ATM: variants seen among roughly 807,000 people sequenced by gnomAD.
ATM encodes serine-protein kinase ATM.
A neutral mutation model predicts 387.0 loss-of-function variants in ATM; 308 were observed. The observed-to-expected ratio is 0.80, with a 90% confidence interval of 0.73 to 0.87. ATM has a LOEUF of 0.87. ATM is among the 40% of genes least tolerant of loss of function. ATM has a pLI of 0.00. For synonymous variants in ATM, 1,156 were observed against 1,187.3 expected, an observed-to-expected ratio of 0.97 and a Z score of 0.54; for missense variants, 3,312 against 3,560.9, an observed-to-expected ratio of 0.93 and a Z score of 1.78.
chr11:108,350,276 A>G (rs17107969), intron 59 of ATM, among the ~76,000 whole-genome samples: 3,346 of 152,272 alleles, frequency 0.022, 94 homozygotes, highest in African/African-American at 0.069. Context: ...ACAAGGGGAC[A>G]AGGAGATTTG....
intron 57 of ATM, 76 bp downstream of exon 57, chr11:108,343,447 A>G: frequency 6.4e-7 from 1 of 1,556,566 alleles, no homozygotes; most frequent in Non-Finnish European, 8.8e-7. Flanking sequence ...GTCAGATATT[A>G]TAGAATACAA....
intron 50 of ATM, chr11:108,331,149 G>C (rs917094319): frequency 9.0e-7 from 1 of 1,105,244 alleles, no homozygotes; most frequent in South Asian, 2.6e-5. Context: ...GTCACACTCA[G>C]ATCACATTTG....
chr11:108,228,647 G>A (rs79866170), intron 3 of ATM, among the ~76,000 whole-genome samples: 1,578 of 152,290 alleles, frequency 0.01, 16 homozygotes, highest in Non-Finnish European at 0.014. Context: ...AATGAAACAT[G>A]CATGCTGTTT....
chr11:108,327,796 G>GCATATT, intron 48 of ATM, 38 bp downstream of exon 48: 2 of 1,392,502 alleles, frequency 1.4e-6, no homozygotes, highest in Non-Finnish European at 2.0e-6. Flanking sequence ...TAGTTACTTA[G>GCATATT]CATGAATATG....
At position 108,227,806 on chromosome 11, in the gene ATM, C is replaced by T. The variant is rs55861249; in HGVS notation, c.103C>T (p.Arg35Ter). ...KEVEKFKRLI[R>*]DPETIKHLDR... ...AGTTGAGAAATTTAAGCGCCTGATT[C>T]GAGATCCTGAAACAATTAAACATCT... The change falls in exon 3 of 63, where the codon CGA (arginine) becomes TGA (stop). Residue 35 changes from arginine to a stop codon, truncating the protein, a stop_gained. Transcript: ENST00000675843. LOFTEE classifies it high-confidence loss of function. 14 of 1,613,460 alleles carry T rather than the reference C, an allele frequency of 8.7e-6. No homozygotes were observed. Among genetic ancestry groups the T allele is most frequent in the Admixed American group, 8.3e-5 (5 of 59,976 alleles).
At position 108,316,062 on chromosome 11, in the gene ATM, T is replaced by G; in HGVS notation, c.6147T>G (p.Tyr2049Ter). The G allele has an allele frequency of 1.2e-6, 2 of 1,614,174 alleles. No homozygotes were observed. The highest frequency in any genetic ancestry group is 2.2e-5 in the East Asian group (1 of 44,876). Residue 2049 changes from tyrosine (Y) to a stop codon, truncating the protein, a stop_gained, in exon 42 of 63, where the codon TAT (tyrosine) becomes TAG (stop). Transcript: ENST00000675843. LOFTEE classifies it high-confidence loss of function. ...TGTGGGGCAAAGCCCTAGTAACATA[T>G]GACCTCGAAACAGCAATCCCCTCAT... is the stretch of plus-strand genomic sequence containing the variant. ...EAMWGKALVT[Y>*]DLETAIPSST...
In ATM at chr11:108,282,737, G is replaced by A. The variant is rs536110861; in HGVS notation, c.3604G>A (p.Gly1202Arg). The stretch of plus-strand genomic sequence containing the variant: ...TTTAGAGAAAGTTTCTGAAACTTTT[G>A]GATATAGACGTTTAGAAGACTTTAT... ...KVLEKVSETFGYRRLEDFMAS... is the reference protein window; with the variant it reads ...KVLEKVSETFRYRRLEDFMAS... The change falls in exon 25 of 63, where the codon GGA becomes AGA. Residue 1202 changes from glycine to arginine, a missense_variant. By Grantham distance (125) the Gly-to-Arg change is moderately radical (BLOSUM62 -2). This residue lies in a region of ATM where 1,791 missense variants were observed against 1,804.5 expected (regional missense o/e 0.99). Coordinates refer to ENST00000675843, the MANE Select transcript of ATM (RefSeq NM_000051.4). The A allele has an allele frequency of 6.2e-7, 1 of 1,613,118 alleles. No homozygotes were observed. Among genetic ancestry groups the A allele is most frequent in the Middle Eastern group, 1.7e-4 (1 of 6,056 alleles).
chr11:108,310,183 A>G lies in ATM; in HGVS notation c.5786A>G (p.Asn1929Ser), dbSNP rs756661278. The G allele has an allele frequency of 2.5e-6, 4 of 1,613,422 alleles. No individual in the cohort carries two copies. The highest frequency in any genetic ancestry group is 1.7e-6 in the Non-Finnish European group (2 of 1,179,722). The change falls in exon 39 of 63, where the codon AAT becomes AGT. Residue 1929 changes from asparagine to serine, a missense_variant. Asn to Ser is a conservative substitution (Grantham distance 46). Transcript: ENST00000675843. ...AGACCTTCTTCAGGAACAATTTTTA[A>G]TGATGCTTTCTGGCTGGATTTAAAT... is the stretch of plus-strand genomic sequence containing the variant. Reference protein sequence around the residue: ...QKRPSSGTIFNDAFWLDLNYL... With the variant: ...QKRPSSGTIFSDAFWLDLNYL...
At chr11:108,345,258 A>T (rs957532886) in intron 57 of ATM, among the ~76,000 whole-genome samples, 6 of 152,242 alleles carry the variant, frequency 3.9e-5, no homozygotes, top group African/African-American at 1.4e-4. Context: ...ATCAGCACAT[A>T]GATGGAAGGG....
Position 108,368,844 on chromosome 11 carries a change from C to G in ATM, c.*3336C>G, listed in dbSNP as rs571703745. The G allele has an allele frequency of 5.0e-6, 1 of 201,376 alleles. No individual in the cohort carries two copies. The highest frequency in any genetic ancestry group is 7.7e-5 in the East Asian group (1 of 13,016). The allele number at this position is 201,376 out of a possible 1,614,324, so 12.5% of individuals were successfully genotyped here. Reference sequence around the variant, plus strand: ...CCTAAAATGTATGCACTTAGGAATGCTAAAAATTTAAATATGGTCTAAAGC... The same window carrying G: ...CCTAAAATGTATGCACTTAGGAATGGTAAAAATTTAAATATGGTCTAAAGC... On this transcript the variant is annotated 3_prime_UTR_variant, in exon 63 of 63. Coordinates refer to ENST00000675843, the MANE Select transcript of ATM (RefSeq NM_000051.4).
chr11:108,260,030 C>CTTTTTTT (rs754362678), intron 16 of ATM, among the ~76,000 whole-genome samples: 1 of 94,612 alleles, frequency 1.1e-5, no homozygotes, highest in Non-Finnish European at 2.1e-5. Flanking sequence ...CTTATCTGCT[C>CTTTTTTT]TTTTTTTTTT....
At chr11:108,260,916 T>G (rs1010878123) in intron 16 of ATM, among the ~76,000 whole-genome samples, 2 of 152,148 alleles carry the variant, frequency 1.3e-5, no homozygotes, top group Non-Finnish European at 2.9e-5. Flanking sequence ...CCCCGAATAC[T>G]GCTCTTTTGC....
chr11:108,299,884 T>G lies in ATM; in HGVS notation c.5176T>G (p.Cys1726Gly), dbSNP rs770882126. The change falls in exon 34 of 63, where the codon TGT becomes GGT. Residue 1726 changes from cysteine to glycine, a missense_variant and splice_region_variant. Physicochemically the swap from Cys to Gly is radical, Grantham distance 159. This residue lies in a region of ATM where 1,405 missense variants were observed against 1,604.4 expected (regional missense o/e 0.88). Coordinates refer to ENST00000675843, the MANE Select transcript of ATM (RefSeq NM_000051.4). ...TYLNNTLVED[C>G]VKVRSAAVTC... ...CCTGAATAACACACTGGTAGAAGAT[T>G]GGTGAGTATTTATTGATACCTTATA... 4 of 1,612,924 alleles carry G rather than the reference T, an allele frequency of 2.5e-6. No individual in the cohort carries two copies. Among genetic ancestry groups the G allele is most frequent in the East Asian group, 4.5e-5 (2 of 44,832 alleles).
chr11:108,261,277 C>A (rs950252049), intron 16 of ATM, among the ~76,000 whole-genome samples: 3 of 152,212 alleles, frequency 2.0e-5, no homozygotes, highest in Admixed American at 2.0e-4. Flanking sequence ...CAGCACACAG[C>A]TGGAGATCTG....
At chr11:108,315,421 G>A (rs4988083) in intron 40 of ATM, among the ~76,000 whole-genome samples, 3,177 of 152,032 alleles carry the variant, frequency 0.021, 121 homozygotes, top group African/African-American at 0.071. Context: ...ATATTTTATG[G>A]TAGTAAATGA....
At chr11:108,317,652 T>TATATATATATATATATACACACACAC (rs1399501257) in intron 43 of ATM, 131 bp downstream of exon 43, 3 of 117,458 alleles carry the variant, frequency 2.6e-5, no homozygotes, top group African/African-American at 1.5e-4. Context: ...TATATATATA[T>TATATATATATATATATACACACACAC]ACACACACAC....
chr11:108,334,624 C>T (rs192487418), intron 54 of ATM, among the ~76,000 whole-genome samples: 1 of 152,136 alleles, frequency 6.6e-6, no homozygotes. Flanking sequence ...TGCTGTTTTT[C>T]TAGCTATATC....
chr11:108,282,276 C>T (rs962716559), intron 24 of ATM, among the ~76,000 whole-genome samples: 8 of 151,928 alleles, frequency 5.3e-5, no homozygotes, highest in Admixed American at 1.3e-4. Context: ...TACAGGCGCC[C>T]GTCGTCACAT....
intron 56 of ATM, among the ~76,000 whole-genome samples, chr11:108,338,657 A>G (rs921708625): frequency 6.8e-6 from 1 of 147,212 alleles, no homozygotes; most frequent in Non-Finnish European, 1.5e-5. Context: ...ACTTGTCTTA[A>G]AAAAAAAAAA....
Sources: allele counts gnomAD v4.1 joint callset (sites outside exome capture counted in the v4.1 genomes callset), GRCh38; gene constraint gnomAD v4.1.1; regional missense constraint gnomAD v4.1.1; transcripts MANE v1.5; gene names NCBI Gene and HGNC (gene_info 2026-07-23, HGNC 2026-07-21).